Variants in NTRK2 observed in about 807,000 individuals in gnomAD.
The protein encoded by NTRK2 is BDNF/NT-3 growth factors receptor.
Under a neutral mutation model 94.5 loss-of-function variants are expected in NTRK2, and 13 were observed. The observed-to-expected ratio is 0.14, with a 90% CI of 0.09 to 0.22. The LOEUF (loss-of-function observed/expected upper bound fraction) is 0.22, where lower values mean the gene tolerates loss of function less well. Ranked by LOEUF, NTRK2 falls within the 10% of genes least tolerant of loss-of-function variation. The probability of loss-of-function intolerance (pLI) is 1.00; values close to 1 mark genes in which losing one functional copy is unlikely to be tolerated. For missense variants in NTRK2, 639 were observed against 1,071.2 expected (o/e 0.60, Z 5.63); for synonymous variants, 372 against 407.4 (o/e 0.91, Z 1.05).
intron 17 of NTRK2, among the ~76,000 whole-genome samples, chr9:84,961,675 C>T (rs1824951022): frequency 6.6e-6 from 1 of 152,104 alleles, no homozygotes; most frequent in Non-Finnish European, 1.5e-5. Flanking sequence ...ATGGTAGATG[C>T]AAAAAGCATC....
intron 12 of NTRK2, among the ~76,000 whole-genome samples, chr9:84,825,033 C>T (rs993849164): frequency 1.3e-5 from 2 of 151,170 alleles, no homozygotes; most frequent in African/African-American, 4.9e-5. Context: ...TGTTCCCAGA[C>T]ACACCTGCCC....
chr9:84,773,967 C>T (rs2066794263), intron 12 of NTRK2, among the ~76,000 whole-genome samples: 1 of 152,130 alleles, frequency 6.6e-6, no homozygotes, highest in African/African-American at 2.4e-5. Flanking sequence ...TGCTGATCTG[C>T]CAAGGTTTGT....
chr9:84,899,848 G>A (rs925323115), intron 14 of NTRK2, among the ~76,000 whole-genome samples: 1 of 152,148 alleles, frequency 6.6e-6, no homozygotes, highest in African/African-American at 2.4e-5. Flanking sequence ...CAAAGACCTG[G>A]ATACTACAGG....
At chr9:84,928,450 G>T (rs2077899351) in intron 14 of NTRK2, among the ~76,000 whole-genome samples, 1 of 152,164 alleles carries the variant, frequency 6.6e-6, no homozygotes, top group South Asian at 2.1e-4. Flanking sequence ...TGATAAACAT[G>T]AGTGTTTCAA....
At chr9:84,943,450 G>A (rs911259419) in intron 15 of NTRK2, among the ~76,000 whole-genome samples, 2 of 152,050 alleles carry the variant, frequency 1.3e-5, no homozygotes, top group African/African-American at 4.8e-5. Flanking sequence ...GAATCAATAT[G>A]TACTCCAGGC....
At chr9:84,832,861 T>G (rs370819922) in intron 12 of NTRK2, among the ~76,000 whole-genome samples, 1 of 152,092 alleles carries the variant, frequency 6.6e-6, no homozygotes, top group East Asian at 1.9e-4. Flanking sequence ...CGGGAGAAAT[T>G]GGCTTGAATC....
At chr9:84,761,963 T>C (rs1348761951) in intron 12 of NTRK2, among the ~76,000 whole-genome samples, 1 of 152,100 alleles carries the variant, frequency 6.6e-6, no homozygotes, top group East Asian at 1.9e-4. Flanking sequence ...AATTGAATCA[T>C]GGGGGTGGGT....
intron 2 of NTRK2, among the ~76,000 whole-genome samples, chr9:84,696,770 G>T (rs1023151273): frequency 6.6e-6 from 1 of 152,192 alleles, no homozygotes; most frequent in East Asian, 1.9e-4. Flanking sequence ...AGCATTTTTG[G>T]TGTTGTGTCT....
At chr9:84,972,944 T>C (rs777514712) in intron 17 of NTRK2, among the ~76,000 whole-genome samples, 3 of 152,226 alleles carry the variant, frequency 2.0e-5, no homozygotes, top group Non-Finnish European at 2.9e-5. Flanking sequence ...TAACTATGAT[T>C]TCAGCTCTCC....
At position 85,023,484 on chromosome 9, in the gene NTRK2, T is replaced by A. The variant is rs995189816; in HGVS notation, c.*2047T>A. The A allele has an allele frequency of 4.3e-6, 1 of 232,616 alleles. No homozygotes were observed. The highest frequency in any genetic ancestry group is 8.5e-6 in the Non-Finnish European group (1 of 117,722). The allele number at this position is 232,616 out of a possible 1,614,324, so 14.4% of individuals were successfully genotyped here. A position where few individuals can be genotyped will look rare whatever the true frequency, so the allele number is the denominator to read the frequency against. ...GAACAAAAGGAAATCCAGTAGCAACTGCAGTCAAGCGAGGGAGTTGACAAG... is the reference window on the plus strand; with the variant it reads ...GAACAAAAGGAAATCCAGTAGCAACAGCAGTCAAGCGAGGGAGTTGACAAG... On this transcript the variant is annotated 3_prime_UTR_variant, in exon 19 of 19. Coordinates refer to ENST00000277120, the MANE Select transcript of NTRK2 (RefSeq NM_006180.6).
intron 9 of NTRK2, among the ~76,000 whole-genome samples, chr9:84,741,346 C>A (rs1002356212): frequency 1.1e-4 from 16 of 152,178 alleles, no homozygotes; most frequent in African/African-American, 3.6e-4. Flanking sequence ...TGTGTTAGGG[C>A]TTAAAAAAGG....
At chr9:84,703,412 C>T (rs563712919) in intron 4 of NTRK2, among the ~76,000 whole-genome samples, 12 of 152,248 alleles carry the variant, frequency 7.9e-5, no homozygotes, top group South Asian at 2.1e-4. Flanking sequence ...ATTCATAGAT[C>T]GTAAGTAGCA....
chr9:85,015,298 AACTT>A (rs1484776239), intron 17 of NTRK2, among the ~76,000 whole-genome samples: 2 of 152,108 alleles, frequency 1.3e-5, no homozygotes, highest in Non-Finnish European at 2.9e-5. Flanking sequence ...TTTCTTATAC[AACTT>A]AGAGAGACTT....
intron 17 of NTRK2, among the ~76,000 whole-genome samples, chr9:84,968,978 G>A (rs955135681): frequency 2.0e-5 from 3 of 152,124 alleles, no homozygotes; most frequent in Non-Finnish European, 4.4e-5. Flanking sequence ...TGCTGTGGGG[G>A]CATATATGAT....
chr9:84,727,742 G>A lies in NTRK2; in HGVS notation c.942G>A (p.Ala314=), dbSNP rs147869160. 7 of 1,613,994 alleles carry A rather than the reference G, an allele frequency of 4.3e-6. No homozygotes were observed. The highest frequency in any genetic ancestry group is 4.0e-5 in the African/African-American group (3 of 74,916). ...PFTVKGNPKP[A]LQWFYNGAIL... ...CTGTGAAAGGCAACCCCAAACCAGC[G>A]CTTCAGTGGTTCTATAACGGGGCAA... The change falls in exon 9 of 19, where the codon GCG becomes GCA. Residue 314 remains alanine, a synonymous_variant. Coordinates refer to ENST00000277120, the MANE Select transcript of NTRK2 (RefSeq NM_006180.6).
At chr9:84,942,067 CAACT>C (rs2078429121) in intron 15 of NTRK2, among the ~76,000 whole-genome samples, 2 of 152,190 alleles carry the variant, frequency 1.3e-5, no homozygotes, top group African/African-American at 4.8e-5. Context: ...GAGTTATATA[CAACT>C]AACTGAGTTG....
chr9:84,678,722 C>T (rs1049293355), intron 2 of NTRK2, among the ~76,000 whole-genome samples: 1 of 152,138 alleles, frequency 6.6e-6, no homozygotes, highest in Non-Finnish European at 1.5e-5. Context: ...TGAAACAAAA[C>T]AAAACAAAAC....
chr9:84,797,222 C>T (rs2069438665), intron 12 of NTRK2, among the ~76,000 whole-genome samples: 1 of 152,028 alleles, frequency 6.6e-6, no homozygotes, highest in South Asian at 2.1e-4. Flanking sequence ...CAGATCTCAC[C>T]TGCTATCTAT....
intron 12 of NTRK2, among the ~76,000 whole-genome samples, chr9:84,840,421 A>C (rs1357768103): frequency 6.6e-6 from 1 of 151,908 alleles, no homozygotes; most frequent in African/African-American, 2.4e-5. Flanking sequence ...CCCAGACCAT[A>C]TGCCACCTTT....
Sources: gnomAD v4.1 joint callset for allele counts (sites outside exome capture counted in the v4.1 genomes callset) on GRCh38, gnomAD v4.1.1 for gene constraint, MANE v1.5 for transcripts, NCBI Gene and HGNC (gene_info 2026-07-23, HGNC 2026-07-21) for gene names.